Variants in STK40 observed in about 807,000 individuals in gnomAD.
STK40 encodes serine/threonine kinase 40.
A neutral mutation model predicts 47.9 loss-of-function variants in STK40; 13 were observed. The ratio of observed to expected loss-of-function variants is 0.27; its 90% CI spans 0.18 to 0.43. STK40 has a LOEUF of 0.43. STK40 is among the 20% of genes least tolerant of loss of function. The pLI is 1.00. For synonymous variants in STK40, 225 were observed against 243.2 expected, an observed-to-expected ratio of 0.93 and a Z score of 0.69; for missense variants, 460 against 595.1, an observed-to-expected ratio of 0.77 and a Z score of 2.36.
At chr1:36,381,155 T>C (rs946110191) in intron 1 of STK40, among the ~76,000 whole-genome samples, 2 of 152,116 alleles carry the variant, frequency 1.3e-5, no homozygotes, top group African/African-American at 4.8e-5. Flanking sequence ...CTTGCTGGGA[T>C]TACTGCAACA....
chr1:36,358,359 C>A lies in STK40; in HGVS notation c.222G>T (p.Gly74=). Residue 74 remains glycine (G), a synonymous_variant, in exon 4 of 11, where the codon GGG becomes GGT. Coordinates refer to ENST00000373132, the MANE Select transcript of STK40 (RefSeq NM_001282547.2). ...QLKILTLEER[G]DQGIESQEER... ...CTTCCTGGCTCTCTATGCCTTGGTC[C>A]CCCCTCTCCTCCAGGGTCAGGATCT... is the stretch of plus-strand genomic sequence containing the variant. 1 of 1,604,676 alleles carries A rather than the reference C, an allele frequency of 6.2e-7. No homozygotes were observed. Among genetic ancestry groups the A allele is most frequent in the Non-Finnish European group, 8.5e-7 (1 of 1,172,120 alleles).
intron 1 of STK40, among the ~76,000 whole-genome samples, chr1:36,375,114 T>C (rs527927471): frequency 6.6e-6 from 1 of 152,264 alleles, no homozygotes; most frequent in East Asian, 1.9e-4. Flanking sequence ...TGCAGTCTTC[T>C]CATCTGGAGG....
chr1:36,358,533 TATG>T, intron 3 of STK40, 151 bp from the exon 4 acceptor site: 3 of 1,247,294 alleles, frequency 2.4e-6, no homozygotes, highest in Non-Finnish European at 3.3e-6. Context: ...TTTTTCTTAA[TATG>T]ATGGTGATGT....
At chr1:36,364,296 T>C (rs1270160339) in intron 1 of STK40, among the ~76,000 whole-genome samples, 1 of 152,154 alleles carries the variant, frequency 6.6e-6, no homozygotes, top group Non-Finnish European at 1.5e-5. Flanking sequence ...AAGGGGGACA[T>C]GTTTTTAAGG....
intron 1 of STK40, among the ~76,000 whole-genome samples, chr1:36,377,897 G>A (rs1647005455): frequency 6.6e-6 from 1 of 152,232 alleles, no homozygotes; most frequent in African/African-American, 2.4e-5. Context: ...TGCCTGCCAT[G>A]CACTAGGCTG....
intron 6 of STK40, among the ~76,000 whole-genome samples, chr1:36,353,720 G>T (rs1322642537): frequency 6.6e-6 from 1 of 152,168 alleles, no homozygotes; most frequent in Non-Finnish European, 1.5e-5. Flanking sequence ...CCATCTGCAG[G>T]CCATCCCACT....
At chr1:36,375,003 A>C (rs966469990) in intron 1 of STK40, among the ~76,000 whole-genome samples, 1 of 152,182 alleles carries the variant, frequency 6.6e-6, no homozygotes, top group African/African-American at 2.4e-5. Flanking sequence ...GATAGCCCAA[A>C]TCAGGCAAGG....
chr1:36,363,728 T>C (rs559230078), intron 1 of STK40, among the ~76,000 whole-genome samples: 28 of 148,176 alleles, frequency 1.9e-4, no homozygotes, highest in African/African-American at 6.8e-4. Context: ...GGCAGGAGAA[T>C]AGTGTGAACC....
chr1:36,378,333 TAA>T (rs1432205706), intron 1 of STK40, among the ~76,000 whole-genome samples: 1 of 152,212 alleles, frequency 6.6e-6, no homozygotes, highest in Non-Finnish European at 1.5e-5. Flanking sequence ...ACTGGCTGTG[TAA>T]TAGTAGACAG....
At chr1:36,378,007 G>C (rs901636291) in intron 1 of STK40, among the ~76,000 whole-genome samples, 1 of 152,234 alleles carries the variant, frequency 6.6e-6, no homozygotes, top group Admixed American at 6.5e-5. Flanking sequence ...TTGGAGACAG[G>C]AAGTGACTTG....
Position 36,341,176 on chromosome 1 carries a change from G to C in STK40, c.*579C>G, listed in dbSNP as rs1324342466. On this transcript the variant is annotated 3_prime_UTR_variant, in exon 11 of 11. Transcript: ENST00000373132. ...TGGACTGAGCCACCTAGAGATGGGA[G>C]AGAAGTTGGTATGGTAAAAAAATAA... is the stretch of plus-strand genomic sequence containing the variant. 2 of 153,442 alleles carry C rather than the reference G, an allele frequency of 1.3e-5. No individual in the cohort carries two copies. The highest frequency in any genetic ancestry group is 4.8e-5 in the African/African-American group (2 of 41,450). The allele number at this position is 153,442 out of a possible 1,614,324, so 9.5% of individuals were successfully genotyped here. A position where few individuals can be genotyped will look rare whatever the true frequency, so the allele number is the denominator to read the frequency against.
intron 1 of STK40, among the ~76,000 whole-genome samples, chr1:36,381,413 C>T (rs1381425753): frequency 6.6e-6 from 1 of 152,294 alleles, no homozygotes; most frequent in East Asian, 1.9e-4. Context: ...CGTGCTTGTG[C>T]CAGGCTGCTC....
intron 6 of STK40, among the ~76,000 whole-genome samples, chr1:36,350,879 C>T (rs115677722): frequency 0.017 from 2,587 of 152,322 alleles, 77 homozygotes; most frequent in African/African-American, 0.058. Flanking sequence ...GCACTGGAGT[C>T]TCTCCACAGG....
chr1:36,382,318 T>C (rs1647046541), intron 1 of STK40, among the ~76,000 whole-genome samples: 1 of 152,094 alleles, frequency 6.6e-6, no homozygotes, highest in Non-Finnish European at 1.5e-5. Flanking sequence ...TAGCTGGGAC[T>C]ACAGGTGCGT....
intron 6 of STK40, 137 bp downstream of exon 6, chr1:36,354,227 G>C: frequency 6.7e-6 from 6 of 891,120 alleles, no homozygotes; most frequent in Non-Finnish European, 9.1e-6. Flanking sequence ...CCCATCCCGA[G>C]CCCTGGGATT....
At chr1:36,370,482 ATCT>A (rs1224765859) in intron 1 of STK40, among the ~76,000 whole-genome samples, 11 of 152,200 alleles carry the variant, frequency 7.2e-5, no homozygotes, top group African/African-American at 1.4e-4. Context: ...CCATGCATTT[ATCT>A]GACTACACCT....
intron 6 of STK40, among the ~76,000 whole-genome samples, chr1:36,352,075 A>AT (rs1480080883): frequency 6.6e-6 from 1 of 152,202 alleles, no homozygotes; most frequent in Non-Finnish European, 1.5e-5. Flanking sequence ...TCCCAACTTT[A>AT]TGACAACTGG....
At chr1:36,346,994 T>C (rs892423917) in intron 7 of STK40, among the ~76,000 whole-genome samples, 1 of 152,178 alleles carries the variant, frequency 6.6e-6, no homozygotes, top group Non-Finnish European at 1.5e-5. Context: ...AGTTAGGGTA[T>C]ACCCCTGGCA....
In STK40 at chr1:36,361,360, C is replaced by T. The variant is rs1195481787; in HGVS notation, c.-8-20G>A. The stretch of plus-strand genomic sequence containing the variant: ...TCAGCTCTAGACAAGACAGAAAGAC[C>T]CCTTCTCACTGAGTAAGTCAGCGAG... On this transcript the variant is annotated intron_variant, in intron 1 of 10. Coordinates refer to ENST00000373132, the MANE Select transcript of STK40 (RefSeq NM_001282547.2). 12 of 1,613,576 alleles carry T rather than the reference C, an allele frequency of 7.4e-6. No individual in the cohort carries two copies. In the Admixed American group the frequency reaches 2.0e-4, roughly 27 times the overall value.
Sources: gnomAD v4.1 joint callset for allele counts (sites outside exome capture counted in the v4.1 genomes callset) on GRCh38, gnomAD v4.1.1 for gene constraint, MANE v1.5 for transcripts, NCBI Gene and HGNC (gene_info 2026-07-23, HGNC 2026-07-21) for gene names.